CEMIP2: variants seen among roughly 807,000 people sequenced by gnomAD.
CEMIP2 encodes cell surface hyaluronidase CEMIP2.
A neutral mutation model predicts 146.9 loss-of-function variants in CEMIP2; 79 were observed. That is an observed-to-expected ratio of 0.54 (90% CI 0.45 to 0.65). The LOEUF is 0.65. Among genes scored for constraint, CEMIP2 ranks in the 30% least tolerant of loss-of-function variants. The pLI is 0.00. For missense variants in CEMIP2, 1,596 were observed against 1,696.2 expected (o/e 0.94, Z 1.04); for synonymous variants, 601 against 606.3 (o/e 0.99, Z 0.13).
chr9:71,723,308 G>A (rs1410588773), intron 11 of CEMIP2, among the ~76,000 whole-genome samples: 5 of 150,620 alleles, frequency 3.3e-5, no homozygotes, highest in South Asian at 2.1e-4. Context: ...GCAAGTTAAG[G>A]AAAAAACACT....
At chr9:71,768,200 T>A (rs2132058205) in intron 1 of CEMIP2, among the ~76,000 whole-genome samples, 157 bp downstream of exon 1, 1 of 152,130 alleles carries the variant, frequency 6.6e-6, no homozygotes, top group East Asian at 2.0e-4. Flanking sequence ...GGGAGGACGT[T>A]TTCCTTTTCG....
chr9:71,693,227 CAT>C (rs1192404197), intron 21 of CEMIP2, among the ~76,000 whole-genome samples: 3 of 152,240 alleles, frequency 2.0e-5, no homozygotes, highest in African/African-American at 7.2e-5. Context: ...AAAAAGACCA[CAT>C]GAGATGGCAC....
At chr9:71,706,904 C>A (rs529767112) in intron 17 of CEMIP2, among the ~76,000 whole-genome samples, 24 of 152,264 alleles carry the variant, frequency 1.6e-4, no homozygotes, top group African/African-American at 5.1e-4. Flanking sequence ...TCTCAGCTCA[C>A]TGCAAACTCT....
At chr9:71,712,617 G>T (rs1341343120) in intron 15 of CEMIP2, among the ~76,000 whole-genome samples, 5 of 152,100 alleles carry the variant, frequency 3.3e-5, no homozygotes, top group Admixed American at 2.6e-4. Context: ...GGAACCTCAG[G>T]TACTTTGGTC....
chr9:71,745,880 G>C (rs1259664143), intron 3 of CEMIP2, among the ~76,000 whole-genome samples: 1 of 151,948 alleles, frequency 6.6e-6, no homozygotes, highest in East Asian at 2.0e-4. Context: ...TTAACTCTCA[G>C]AATTGTGACA....
At chr9:71,700,978 C>A (rs1822543265) in intron 18 of CEMIP2, among the ~76,000 whole-genome samples, 154 bp from the exon 19 acceptor site, 1 of 152,228 alleles carries the variant, frequency 6.6e-6, no homozygotes, top group South Asian at 2.1e-4. Context: ...TGTTGGGCCA[C>A]TGACAGTGGA....
chr9:71,723,084 G>A (rs1464751398), intron 11 of CEMIP2, among the ~76,000 whole-genome samples: 1 of 141,468 alleles, frequency 7.1e-6, no homozygotes, highest in Non-Finnish European at 1.5e-5. Context: ...ATAACTCAAG[G>A]GAATAGTTTG....
intron 11 of CEMIP2, among the ~76,000 whole-genome samples, chr9:71,724,505 T>TTA (rs1359402821): frequency 6.6e-6 from 1 of 152,178 alleles, no homozygotes; most frequent in African/African-American, 2.4e-5. Flanking sequence ...ACTTAGGTTT[T>TTA]TAAAGGATCC....
chr9:71,767,674 G>A (rs536387290), intron 1 of CEMIP2, among the ~76,000 whole-genome samples: 1 of 152,166 alleles, frequency 6.6e-6, no homozygotes, highest in Admixed American at 6.5e-5. Flanking sequence ...CTCACAGAGA[G>A]GGCCCCCCTC....
At chr9:71,735,063 A>C in intron 5 of CEMIP2, 69 bp from the exon 6 acceptor site, 1 of 1,488,558 alleles carries the variant, frequency 6.7e-7, no homozygotes. Context: ...TCTAAAATGA[A>C]CCCTCACACT....
chr9:71,745,316 T>C lies in CEMIP2; in HGVS notation c.736A>G (p.Thr246Ala). The C allele has an allele frequency of 2.5e-6, 4 of 1,613,544 alleles. No homozygotes were observed. Among genetic ancestry groups the C allele is most frequent in the Non-Finnish European group, 3.4e-6 (4 of 1,179,534 alleles). ...RKASWTLLARTLNSSGLPFGS... is the reference protein window; with the variant it reads ...RKASWTLLARALNSSGLPFGS... Reference sequence around the variant, plus strand: ...AAGGGCAAGCCTGAGGAATTCAGGGTCCTTGCCAACAACGTCCACGATGCC... The same window carrying C: ...AAGGGCAAGCCTGAGGAATTCAGGGCCCTTGCCAACAACGTCCACGATGCC... Residue 246 changes from threonine (T) to alanine (A), a missense_variant, in exon 4 of 24, where the codon ACC becomes GCC. Physicochemically the swap from Thr to Ala is moderately conservative, Grantham distance 58 (BLOSUM62 0). Transcript: ENST00000377044.
chr9:71,689,986 T>C, intron 22 of CEMIP2, 106 bp downstream of exon 22: 2 of 1,401,684 alleles, frequency 1.4e-6, no homozygotes, highest in Non-Finnish European at 9.8e-7. Context: ...CATAGTGCCC[T>C]GAATGTCCAG....
At chr9:71,759,734 G>A (rs762337662) in intron 1 of CEMIP2, among the ~76,000 whole-genome samples, 2 of 151,072 alleles carry the variant, frequency 1.3e-5, no homozygotes, top group African/African-American at 4.9e-5. Flanking sequence ...CTGTTCGGAT[G>A]TGGTTAGATT....
intron 22 of CEMIP2, among the ~76,000 whole-genome samples, chr9:71,689,754 A>G (rs571454701): frequency 1.3e-5 from 2 of 152,328 alleles, no homozygotes; most frequent in South Asian, 4.1e-4. Context: ...AAAAAGTATA[A>G]TGCTCTGATA....
rs111761738 is a variant in CEMIP2, at chr9:71,685,785, C to T, written c.3913G>A (p.Val1305Ile). The part of the protein sequence containing the change: ...IKQLNISHLL[V>I]PLGLAKPAHL... The stretch of plus-strand genomic sequence containing the variant: ...GCTGGTTTGGCTAATCCCAGAGGTA[C>T]TAGTAAGTGTGAAATGTTTAACTGC... Residue 1305 changes from valine to isoleucine, a missense_variant, in exon 23 of 24, where the codon GTA (valine) becomes ATA (isoleucine). Val to Ile is a conservative substitution (Grantham distance 29). Transcript: ENST00000377044. 2.5e-6 allele frequency: 4 copies of T among 1,613,922 alleles called. No homozygotes were observed. The African/African-American group carries it at 4.0e-5, about 16-fold the overall frequency.
rs1461901660 is a variant in CEMIP2 at position 71,694,586 on chromosome 9, G to A, written c.3619C>T (p.His1207Tyr). ...TRQVVFTSDP[H>Y]KSYLPVQFQS... ...AATTGCACAGGGAGGTAACTTTTAT[G>A]AGGATCACTAGTAAACACCACCTAG... The change falls in exon 21 of 24, where the codon CAT (histidine) becomes TAT (tyrosine). Residue 1207 changes from histidine to tyrosine, a missense_variant. By Grantham distance (83) the His-to-Tyr change is moderately conservative. Transcript: ENST00000377044. 2 of 1,613,610 alleles carry A rather than the reference G, an allele frequency of 1.2e-6. No homozygotes were observed. The highest frequency in any genetic ancestry group is 1.3e-5 in the African/African-American group (1 of 75,012).
intron 5 of CEMIP2, among the ~76,000 whole-genome samples, chr9:71,738,730 T>C (rs1158102461): frequency 1.3e-5 from 2 of 151,344 alleles, no homozygotes; most frequent in Non-Finnish European, 2.9e-5. Flanking sequence ...ACCAGCTATT[T>C]GGGAGGCTGA....
intron 1 of CEMIP2, among the ~76,000 whole-genome samples, chr9:71,766,928 C>T (rs189899692): frequency 7.7e-4 from 118 of 152,298 alleles, no homozygotes; most frequent in African/African-American, 2.7e-3. Context: ...TACACAGAAG[C>T]TGGGGGAAGT....
chr9:71,736,149 G>A (rs969105498), intron 5 of CEMIP2, among the ~76,000 whole-genome samples: 1 of 152,124 alleles, frequency 6.6e-6, no homozygotes, highest in Non-Finnish European at 1.5e-5. Context: ...TGCCTTTGAT[G>A]GTGATTTATT....
Sources: gnomAD v4.1 joint callset for allele counts (sites outside exome capture counted in the v4.1 genomes callset) on GRCh38, gnomAD v4.1.1 for gene constraint, MANE v1.5 for transcripts, NCBI Gene and HGNC (gene_info 2026-07-23, HGNC 2026-07-21) for gene names.